Variants in PLCXD3 observed in about 807,000 individuals in gnomAD.
PLCXD3 encodes the protein PI-PLC X domain-containing protein 3.
PLCXD3 carries 19 observed loss-of-function variants against 25.5 expected under a neutral mutation model. The observed-to-expected ratio is 0.75, with a 90% confidence interval of 0.52 to 1.09. PLCXD3 has a LOEUF of 1.09. Among genes scored for constraint, PLCXD3 ranks in the 50% least tolerant of loss-of-function variants. The pLI, the probability that PLCXD3 is intolerant of heterozygous loss-of-function variation, is 0.00. For synonymous variants in PLCXD3, 174 were observed against 137.6 expected, an observed-to-expected ratio of 1.26 and a Z score of -1.85; for missense variants, 411 against 388.1, an observed-to-expected ratio of 1.06 and a Z score of -0.50.
At chr5:41,454,315 G>A (rs376501165) in intron 1 of PLCXD3, among the ~76,000 whole-genome samples, 2 of 152,058 alleles carry the variant, frequency 1.3e-5, no homozygotes, top group African/African-American at 4.8e-5. Context: ...TAAACAACAG[G>A]AATTTATTTT....
chr5:41,369,554 C>T (rs558320619), intron 2 of PLCXD3, among the ~76,000 whole-genome samples: 1 of 152,226 alleles, frequency 6.6e-6, no homozygotes, highest in African/African-American at 2.4e-5. Context: ...CATCAGGGTC[C>T]ACTGCAACCC....
chr5:41,381,404 G>A (rs1273604490), intron 2 of PLCXD3, among the ~76,000 whole-genome samples: 1 of 152,096 alleles, frequency 6.6e-6, no homozygotes, highest in Non-Finnish European at 1.5e-5. Context: ...TTGAGATGAG[G>A]TTATTAGAGC....
intron 1 of PLCXD3, among the ~76,000 whole-genome samples, chr5:41,395,294 A>G (rs1745967915): frequency 6.6e-6 from 1 of 152,132 alleles, no homozygotes; most frequent in African/African-American, 2.4e-5. Flanking sequence ...TGGAAACACA[A>G]TATACCAAAA....
At chr5:41,433,004 T>G (rs1747154355) in intron 1 of PLCXD3, among the ~76,000 whole-genome samples, 1 of 152,162 alleles carries the variant, frequency 6.6e-6, no homozygotes. Context: ...AATTTCAAGG[T>G]CCTGGAACAG....
intron 1 of PLCXD3, among the ~76,000 whole-genome samples, chr5:41,504,324 A>G (rs1379155477): frequency 6.6e-6 from 1 of 152,206 alleles, no homozygotes; most frequent in Non-Finnish European, 1.5e-5. Flanking sequence ...GTGAGCTAAC[A>G]TTGAGCATAA....
chr5:41,407,474 A>G (rs1311727761), intron 1 of PLCXD3, among the ~76,000 whole-genome samples: 2 of 152,186 alleles, frequency 1.3e-5, no homozygotes, highest in Non-Finnish European at 2.9e-5. Flanking sequence ...GATTAAACTT[A>G]TCAGTTATTT....
intron 1 of PLCXD3, among the ~76,000 whole-genome samples, chr5:41,448,655 A>G (rs933452599): frequency 6.6e-6 from 1 of 152,140 alleles, no homozygotes; most frequent in Admixed American, 6.5e-5. Flanking sequence ...TCTCAATCAT[A>G]CAAGTTTTGA....
chr5:41,392,073 C>A (rs1218319087), intron 1 of PLCXD3, among the ~76,000 whole-genome samples: 1 of 152,152 alleles, frequency 6.6e-6, no homozygotes, highest in East Asian at 1.9e-4. Context: ...GTTTTTGATT[C>A]TAGTCTCTGA....
intron 1 of PLCXD3, chr5:41,475,648 C>G (rs766004148): frequency 1.9e-6 from 1 of 534,746 alleles, no homozygotes; most frequent in South Asian, 1.4e-5. Flanking sequence ...CCTGTTTGTC[C>G]CTGTTCAGGC....
chr5:41,411,196 C>A (rs1041300917), intron 1 of PLCXD3, among the ~76,000 whole-genome samples: 2 of 152,150 alleles, frequency 1.3e-5, no homozygotes, highest in African/African-American at 4.8e-5. Context: ...GCCTCTGAAG[C>A]CTATTTACCT....
At chr5:41,473,748 A>G (rs943717662) in intron 1 of PLCXD3, among the ~76,000 whole-genome samples, 1 of 151,994 alleles carries the variant, frequency 6.6e-6, no homozygotes, top group East Asian at 1.9e-4. Context: ...GAGCCACCAC[A>G]CCCAGCCGCC....
chr5:41,340,783 A>G (rs1744117999), intron 2 of PLCXD3, among the ~76,000 whole-genome samples: 1 of 152,150 alleles, frequency 6.6e-6, no homozygotes, highest in Non-Finnish European at 1.5e-5. Flanking sequence ...AACCTAAAGA[A>G]TTTTGTTGCT....
intron 2 of PLCXD3, among the ~76,000 whole-genome samples, chr5:41,364,326 T>G (rs2150486233): frequency 6.6e-6 from 1 of 152,326 alleles, no homozygotes; most frequent in South Asian, 2.1e-4. Flanking sequence ...TTCACTACAA[T>G]CAGTGTTAAG....
chr5:41,500,708 G>A (rs367949738), intron 1 of PLCXD3, among the ~76,000 whole-genome samples: 1 of 151,754 alleles, frequency 6.6e-6, no homozygotes, highest in African/African-American at 2.4e-5. Flanking sequence ...GGCACCAAAA[G>A]CAAAAATAAA....
At chr5:41,466,404 T>TA (rs1207261713) in intron 1 of PLCXD3, among the ~76,000 whole-genome samples, 6 of 152,020 alleles carry the variant, frequency 3.9e-5, no homozygotes, top group Admixed American at 2.6e-4. Context: ...TTAGTTTATT[T>TA]AAAAAATTAT....
At position 41,318,877 on chromosome 5, in the gene PLCXD3, A is replaced by G. The variant is rs1442420496; in HGVS notation, c.813-5107T>C. Among the ~76,000 whole-genome samples, 5 of 152,296 alleles carry G rather than the reference A, an allele frequency of 3.3e-5. No homozygotes were observed. The East Asian group carries it at 5.8e-4, about 18-fold the overall frequency. On this transcript the variant is annotated intron_variant, in intron 2 of 2. Transcript: ENST00000377801. ...ACACACATCACCTGTAAAGACACAC[A>G]TAGACCGAAAATAAAGGGTTGGAAA...
intron 1 of PLCXD3, among the ~76,000 whole-genome samples, chr5:41,421,690 G>T (rs1338511113): frequency 1.3e-5 from 2 of 152,124 alleles, no homozygotes; most frequent in Admixed American, 1.3e-4. Context: ...GAAAGAGCGA[G>T]ACTCCTTCTC....
rs150116650 is a variant in PLCXD3, at chr5:41,344,271, A to G, written c.813-30501T>C. ...TATTTGGCCAGAAGATTAAGTGCCAAGTCATCCATCCAGAAATGCGACTTA... is the reference window on the plus strand; with the variant it reads ...TATTTGGCCAGAAGATTAAGTGCCAGGTCATCCATCCAGAAATGCGACTTA... On this transcript the variant is annotated intron_variant, in intron 2 of 2. Transcript: ENST00000377801. 2.1e-3 allele frequency among the ~76,000 whole-genome samples: 327 copies of G among 152,282 alleles called. 4 individuals are homozygous for G. Among genetic ancestry groups the G allele is most frequent in the African/African-American group, 7.5e-3 (312 of 41,588 alleles).
At position 41,313,488 on chromosome 5, in the gene PLCXD3, TC is replaced by T; in HGVS notation, c.*128del. 9.6e-7 allele frequency: 1 copy of T among 1,044,354 alleles called. No homozygotes were observed. Among genetic ancestry groups the T allele is most frequent in the Non-Finnish European group, 1.4e-6 (1 of 721,462 alleles). 64.7% of individuals were successfully genotyped at this position (1,044,354 alleles called of 1,614,324 possible). ...ACTGAAGAAACAGTTTTTCCCCTTT[TC>T]CCACCCACTACCAGCCCTATTCCCT... On this transcript the variant is annotated 3_prime_UTR_variant, in exon 3 of 3. Transcript: ENST00000377801.
Sources: allele counts gnomAD v4.1 joint callset (sites outside exome capture counted in the v4.1 genomes callset), GRCh38; gene constraint gnomAD v4.1.1; transcripts MANE v1.5; gene names NCBI Gene and HGNC (gene_info 2026-07-23, HGNC 2026-07-21).